Variants in COG7 observed in about 807,000 individuals in gnomAD.
The protein encoded by COG7 is component of oligomeric golgi complex 7, also known as conserved oligomeric Golgi complex subunit 7.
COG7 carries 49 observed loss-of-function variants against 91.5 expected under a neutral mutation model. The observed-to-expected ratio is 0.54, with a 90% CI of 0.43 to 0.68. COG7 has a LOEUF of 0.68. Among genes scored for constraint, COG7 ranks in the 30% least tolerant of loss-of-function variants. The pLI is 0.00. For synonymous variants in COG7, 365 were observed against 388.7 expected (o/e 0.94, Z 0.72); for missense variants, 895 against 961.3 (o/e 0.93, Z 0.91).
At chr16:23,413,596 G>T (rs1963603861) in intron 9 of COG7, 32 bp from the exon 10 acceptor site, 1 of 1,143,840 alleles carries the variant, frequency 8.7e-7, no homozygotes, top group Non-Finnish European at 1.3e-6. Context: ...TGGTAGGGAG[G>T]TCACCACTGA....
chr16:23,444,823 A>C (rs1416517106), intron 3 of COG7, among the ~76,000 whole-genome samples: 1 of 151,892 alleles, frequency 6.6e-6, no homozygotes, highest in Non-Finnish European at 1.5e-5. Context: ...ATCTTTATCA[A>C]GGCTTCTCTT....
chr16:23,428,855 C>T (rs1163410173), intron 6 of COG7, among the ~76,000 whole-genome samples: 1 of 151,974 alleles, frequency 6.6e-6, no homozygotes, highest in East Asian at 1.9e-4. Context: ...CCATGGCCGG[C>T]TAATTTTTTG....
intron 16 of COG7, among the ~76,000 whole-genome samples, chr16:23,391,319 C>A (rs1168189114): frequency 6.6e-6 from 1 of 152,180 alleles, no homozygotes; most frequent in South Asian, 2.1e-4. Context: ...CCAGTTCTTC[C>A]CCCTGCTGCT....
At chr16:23,405,665 T>C (rs1252226446) in intron 12 of COG7, among the ~76,000 whole-genome samples, 1 of 151,930 alleles carries the variant, frequency 6.6e-6, no homozygotes, top group East Asian at 1.9e-4. Flanking sequence ...TACAGGTGCG[T>C]GCCACCACAC....
intron 4 of COG7, among the ~76,000 whole-genome samples, chr16:23,442,104 C>T (rs373908221): frequency 3.9e-5 from 6 of 152,002 alleles, no homozygotes; most frequent in African/African-American, 1.2e-4. Flanking sequence ...GAGGCCGAGG[C>T]GAGGGGATCA....
intron 3 of COG7, among the ~76,000 whole-genome samples, chr16:23,443,217 G>A (rs1469658771): frequency 6.6e-6 from 1 of 152,084 alleles, no homozygotes; most frequent in Non-Finnish European, 1.5e-5. Flanking sequence ...TTTCTGGAAG[G>A]CAATTTAGCA....
Position 23,452,810 on chromosome 16 carries a change from G to A in COG7, c.169+16C>T, listed in dbSNP as rs750960938. Reference sequence around the variant, plus strand: ...AGCAGGGGAGGGTCCCGCGGCCAGGGCCCCGAGCGGCTCACCCTCCACGGC... The same window carrying A: ...AGCAGGGGAGGGTCCCGCGGCCAGGACCCCGAGCGGCTCACCCTCCACGGC... On this transcript the variant is annotated intron_variant, in intron 1 of 16. Coordinates refer to ENST00000307149, the MANE Select transcript of COG7 (RefSeq NM_153603.4). 3.7e-6 allele frequency: 6 copies of A among 1,606,420 alleles called. No homozygotes were observed. The East Asian group carries it at 9.0e-5, about 24-fold the overall frequency.
At chr16:23,435,040 T>C (rs1963992808) in intron 4 of COG7, among the ~76,000 whole-genome samples, 1 of 152,186 alleles carries the variant, frequency 6.6e-6, no homozygotes, top group Non-Finnish European at 1.5e-5. Flanking sequence ...AACTGCTATA[T>C]GTCAACATAT....
rs531501059 is a variant in COG7 at position 23,448,482 on chromosome 16, G to C, written c.170-2521C>G. The stretch of plus-strand genomic sequence containing the variant: ...CTGGCTAGTTTTTTAATTTTTTGTA[G>C]AGATAGGGTCTTGCTATGTTGTCTA... On this transcript the variant is annotated intron_variant, in intron 1 of 16. Transcript: ENST00000307149. Among the ~76,000 whole-genome samples, 3 of 152,202 alleles carry C rather than the reference G, an allele frequency of 2.0e-5. No individual in the cohort carries two copies. The East Asian group carries it at 5.8e-4, about 29-fold the overall frequency.
In COG7 at chr16:23,445,106, T is replaced by A. The variant is rs529639486; in HGVS notation, c.377A>T (p.Gln126Leu). The A allele has an allele frequency of 6.2e-7, 1 of 1,614,174 alleles. No homozygotes were observed. The highest frequency in any genetic ancestry group is 2.2e-5 in the East Asian group (1 of 44,884). Residue 126 changes from glutamine (Q) to leucine (L), a missense_variant, in exon 3 of 17, where the codon CAG (glutamine) becomes CTG (leucine). Transcript: ENST00000307149. ...SRMQLAAESL[Q>L]EADKWSTLSA... is the part of the protein sequence containing the mutation. ...CAACGTGCTCCACTTATCTGCTTCC[T>A]GAAGAGATTCGGCAGCAAGTTGCAT...
Position 23,453,004 on chromosome 16 carries a change from G to A in COG7, c.-10C>T. On this transcript the variant is annotated 5_prime_UTR_variant, in exon 1 of 17. Transcript: ENST00000307149. ...ACTTGGAGAAGTCCATGGCGGAACTGCCTCAGGCCTGGCGTCCAGAACTTA... is the reference window on the plus strand; with the variant it reads ...ACTTGGAGAAGTCCATGGCGGAACTACCTCAGGCCTGGCGTCCAGAACTTA... The A allele has an allele frequency of 7.4e-6, 12 of 1,614,028 alleles. No individual in the cohort carries two copies. The highest frequency in any genetic ancestry group is 1.0e-5 in the Non-Finnish European group (12 of 1,179,932).
At chr16:23,436,248 T>G (rs1448755185) in intron 4 of COG7, among the ~76,000 whole-genome samples, 2 of 152,188 alleles carry the variant, frequency 1.3e-5, no homozygotes, top group African/African-American at 4.8e-5. Flanking sequence ...TAAATTGGGT[T>G]TGACCAGTGA....
At chr16:23,423,817 AATTT>A (rs2142080543) in intron 7 of COG7, among the ~76,000 whole-genome samples, 1 of 152,328 alleles carries the variant, frequency 6.6e-6, no homozygotes, top group Admixed American at 6.5e-5. Context: ...GTTCTTTAAA[AATTT>A]ATAAAGCTTT....
intron 7 of COG7, among the ~76,000 whole-genome samples, chr16:23,424,399 G>C (rs1963810609): frequency 6.6e-6 from 1 of 150,734 alleles, no homozygotes; most frequent in African/African-American, 2.4e-5. Context: ...CAAAGGATAA[G>C]CACACTTGCC....
intron 1 of COG7, among the ~76,000 whole-genome samples, chr16:23,451,610 C>A (rs1303853712): frequency 6.7e-6 from 1 of 150,322 alleles, no homozygotes; most frequent in South Asian, 2.1e-4. Context: ...GTTCCAGTTA[C>A]TTGGGAGGCT....
At chr16:23,433,432 G>A (rs1489498420) in intron 6 of COG7, 113 bp downstream of exon 6, 22 of 1,373,934 alleles carry the variant, frequency 1.6e-5, no homozygotes, top group Middle Eastern at 4.4e-4. Context: ...AGCAACAAAC[G>A]GGGAAGTTCT....
intron 4 of COG7, among the ~76,000 whole-genome samples, chr16:23,440,560 C>G (rs1410316325): frequency 6.6e-6 from 1 of 151,146 alleles, no homozygotes; most frequent in African/African-American, 2.4e-5. Flanking sequence ...TGGGCTCAAG[C>G]GATCCTTCTG....
At chr16:23,427,683 GA>G (rs1963870677) in intron 6 of COG7, among the ~76,000 whole-genome samples, 1 of 152,042 alleles carries the variant, frequency 6.6e-6, no homozygotes, top group Non-Finnish European at 1.5e-5. Flanking sequence ...CATCTCCATT[GA>G]ACCAGGATGA....
At chr16:23,405,779 A>G (rs1963451136) in intron 12 of COG7, among the ~76,000 whole-genome samples, 1 of 152,028 alleles carries the variant, frequency 6.6e-6, no homozygotes, top group Non-Finnish European at 1.5e-5. Context: ...GGCCTCCCAA[A>G]GTGCTGGGAT....
Sources: allele counts gnomAD v4.1 joint callset (sites outside exome capture counted in the v4.1 genomes callset), GRCh38; gene constraint gnomAD v4.1.1; transcripts MANE v1.5; gene names NCBI Gene and HGNC (gene_info 2026-07-23, HGNC 2026-07-21).